FANCI: variants seen among roughly 807,000 people sequenced by gnomAD.
FANCI encodes Fanconi anemia group I protein.
Under a neutral mutation model 176.1 loss-of-function variants are expected in FANCI, and 156 were observed. The ratio of observed to expected loss-of-function variants is 0.89; its 90% CI spans 0.78 to 1.01. The LOEUF (loss-of-function observed/expected upper bound fraction) is 1.01. Among genes scored for constraint, FANCI ranks in the 50% least tolerant of loss-of-function variants. The probability of loss-of-function intolerance (pLI) is 0.00; values close to 1 mark genes in which losing one functional copy is unlikely to be tolerated. For missense variants in FANCI, 1,678 were observed against 1,534.1 expected (o/e 1.09, Z -1.57); for synonymous variants, 613 against 541.7 (o/e 1.13, Z -1.83).
chr15:89,299,767 CT>C, intron 24 of FANCI, 32 bp from the exon 25 acceptor site: 1 of 1,607,338 alleles, frequency 6.2e-7, no homozygotes, highest in South Asian at 1.1e-5. Context: ...GTGAACCTGT[CT>C]TTAAAAACAA....
chr15:89,316,604 G>A lies in FANCI; in HGVS notation c.*145G>A, dbSNP rs984726831. 3.6e-6 allele frequency: 4 copies of A among 1,110,252 alleles called. No individual in the cohort carries two copies. Among genetic ancestry groups the A allele is most frequent in the Non-Finnish European group, 5.4e-6 (4 of 739,126 alleles). 68.8% of individuals were successfully genotyped at this position (1,110,252 alleles called of 1,614,324 possible). On this transcript the variant is annotated 3_prime_UTR_variant, in exon 38 of 38. Coordinates refer to ENST00000310775, the MANE Select transcript of FANCI (RefSeq NM_001113378.2). ...AATTCAACTGCACCTTCAGTTAGAA[G>A]GAATCTTCTTGGCAGGTCCTGCTAC...
chr15:89,288,678 A>G lies in FANCI; in HGVS notation c.1822-1535A>G, dbSNP rs142017343. Among the ~76,000 whole-genome samples the G allele has an allele frequency of 2.6e-3, 393 of 149,778 alleles. 8 individuals carry two copies. Among genetic ancestry groups the G allele is most frequent in the East Asian group, 0.015 (76 of 5,110 alleles). ...TCTGTTATCCAGGCTGGAGTGCACTAGTGCAGTCTAACTCACTGCAGCCTC... is the reference window on the plus strand; with the variant it reads ...TCTGTTATCCAGGCTGGAGTGCACTGGTGCAGTCTAACTCACTGCAGCCTC... On this transcript the variant is annotated intron_variant, in intron 18 of 37. Transcript: ENST00000310775.
chr15:89,269,861 A>G (rs1472081367), intron 10 of FANCI, among the ~76,000 whole-genome samples: 1 of 151,624 alleles, frequency 6.6e-6, no homozygotes, highest in Non-Finnish European at 1.5e-5. Context: ...CCCAAGCTAG[A>G]GTGCCGTGGC....
intron 34 of FANCI, among the ~76,000 whole-genome samples, chr15:89,311,104 C>G (rs918727252): frequency 1.8e-4 from 27 of 151,820 alleles, no homozygotes; most frequent in African/African-American, 5.8e-4. Flanking sequence ...AAAAAAAATA[C>G]AAAAATTAGC....
chr15:89,250,149 A>G (rs2052175029), intron 2 of FANCI, among the ~76,000 whole-genome samples: 2 of 152,224 alleles, frequency 1.3e-5, no homozygotes, highest in Non-Finnish European at 2.9e-5. Context: ...TTTCTCAGGG[A>G]TCTAGAACTA....
chr15:89,274,200 G>C lies in FANCI; in HGVS notation c.1008G>C (p.Lys336Asn). ...VLDLLKTSVVKSFKDLQLLQG... is the reference protein window; with the variant it reads ...VLDLLKTSVVNSFKDLQLLQG... The stretch of plus-strand genomic sequence containing the variant: ...ATCTTTTAAAGACTTCGGTTGTAAA[G>C]AGCTTTAAGGATCTTCAACTCCTCC... The change falls in exon 12 of 38, where the codon AAG becomes AAC. Residue 336 changes from lysine to asparagine, a missense_variant. By Grantham distance (94) the Lys-to-Asn change is moderately conservative. Coordinates refer to ENST00000310775, the MANE Select transcript of FANCI (RefSeq NM_001113378.2). 6.3e-7 allele frequency: 1 copy of C among 1,595,026 alleles called. No individual in the cohort carries two copies. Among genetic ancestry groups the C allele is most frequent in the African/African-American group, 1.3e-5 (1 of 74,542 alleles).
intron 2 of FANCI, among the ~76,000 whole-genome samples, chr15:89,247,969 A>G (rs1246887982): frequency 6.6e-6 from 1 of 152,222 alleles, no homozygotes; most frequent in Non-Finnish European, 1.5e-5. Flanking sequence ...GTTTAAGAAT[A>G]GAATGCTTTT....
chr15:89,257,845 C>T (rs1237715297), intron 2 of FANCI, among the ~76,000 whole-genome samples: 3 of 152,172 alleles, frequency 2.0e-5, no homozygotes, highest in Non-Finnish European at 4.4e-5. Flanking sequence ...CCCCATTTCA[C>T]TCTTAAACCC....
rs754753647 is a variant in FANCI at position 89,274,204 on chromosome 15, T to C, written c.1012T>C (p.Phe338Leu). The C allele has an allele frequency of 1.9e-6, 3 of 1,598,830 alleles. No individual in the cohort carries two copies. Among genetic ancestry groups the C allele is most frequent in the Non-Finnish European group, 2.6e-6 (3 of 1,171,690 alleles). The change falls in exon 12 of 38, where the codon TTT becomes CTT. Residue 338 changes from phenylalanine (F) to leucine (L), a missense_variant. Transcript: ENST00000310775. ...TTTAAAGACTTCGGTTGTAAAGAGC[T>C]TTAAGGATCTTCAACTCCTCCAAGG... is the stretch of plus-strand genomic sequence containing the variant. The part of the protein sequence containing the change: ...DLLKTSVVKS[F>L]KDLQLLQGSK...
Position 89,273,418 on chromosome 15 carries a change from C to T in FANCI, c.924C>T (p.Phe308=), listed in dbSNP as rs1201490769. ...QGDSNNNLSP[F]SIALLLSVTR... is the part of the protein sequence containing the mutation. ...ATTCCAATAATAACTTAAGTCCCTT[C>T]AGCATTGCTCTTCTTCTGTCTGTAA... Residue 308 remains phenylalanine, a synonymous_variant, in exon 11 of 38, where the codon TTC becomes TTT. Coordinates refer to ENST00000310775, the MANE Select transcript of FANCI (RefSeq NM_001113378.2). 7 of 1,606,974 alleles carry T rather than the reference C, an allele frequency of 4.4e-6. No homozygotes were observed. The highest frequency in any genetic ancestry group is 1.7e-5 in the Admixed American group (1 of 59,550).
At chr15:89,302,731 A>ATG (rs1232871363) in intron 27 of FANCI, among the ~76,000 whole-genome samples, 5 of 151,452 alleles carry the variant, frequency 3.3e-5, no homozygotes, top group African/African-American at 9.7e-5. Context: ...CTGCCACAAC[A>ATG]CCCGGCTAAT....
chr15:89,315,203 G>A, intron 36 of FANCI, 79 bp from the exon 37 acceptor site: 1 of 1,031,958 alleles, frequency 9.7e-7, no homozygotes, highest in South Asian at 1.3e-5. Flanking sequence ...GTTTCTCAGA[G>A]GTGAACTAAA....
chr15:89,279,475 A>G (rs1198411883), intron 14 of FANCI, among the ~76,000 whole-genome samples: 1 of 152,132 alleles, frequency 6.6e-6, no homozygotes, highest in Non-Finnish European at 1.5e-5. Flanking sequence ...GCTGTTTTTA[A>G]TACATAACTC....
intron 35 of FANCI, among the ~76,000 whole-genome samples, chr15:89,314,162 C>G (rs1007721282): frequency 3.4e-5 from 4 of 116,162 alleles, no homozygotes; most frequent in African/African-American, 1.5e-4. Flanking sequence ...AATGTAGGAC[C>G]TTTCGTTAGG....
At chr15:89,307,868 T>G in intron 34 of FANCI, 196 bp downstream of exon 34, 1 of 1,453,742 alleles carries the variant, frequency 6.9e-7, no homozygotes, top group South Asian at 1.4e-5. Flanking sequence ...GAAAACTGTT[T>G]CACTTAATTT....
chr15:89,276,380 G>A (rs866653121), intron 12 of FANCI, among the ~76,000 whole-genome samples: 5 of 152,192 alleles, frequency 3.3e-5, no homozygotes, highest in Admixed American at 1.3e-4. Flanking sequence ...CTACATAAGC[G>A]TTGTCAGTGC....
chr15:89,287,544 T>C (rs2053868129), intron 18 of FANCI, among the ~76,000 whole-genome samples: 1 of 152,202 alleles, frequency 6.6e-6, no homozygotes, highest in Non-Finnish European at 1.5e-5. Context: ...CACTTTAAAT[T>C]TCCTTTAAGA....
chr15:89,280,661 T>C (rs553433060), intron 14 of FANCI, among the ~76,000 whole-genome samples: 1 of 152,160 alleles, frequency 6.6e-6, no homozygotes, highest in Non-Finnish European at 1.5e-5. Context: ...CCCTTTACCA[T>C]TTGGTAGGCA....
chr15:89,253,873 C>T (rs1485400626), intron 2 of FANCI, among the ~76,000 whole-genome samples: 1 of 147,706 alleles, frequency 6.8e-6, no homozygotes, highest in East Asian at 2.0e-4. Context: ...TGGCCTTAAA[C>T]ATAAGAAAAT....
Sources: gnomAD v4.1 joint callset for allele counts (sites outside exome capture counted in the v4.1 genomes callset) on GRCh38, gnomAD v4.1.1 for gene constraint, MANE v1.5 for transcripts, NCBI Gene and HGNC (gene_info 2026-07-23, HGNC 2026-07-21) for gene names.